Variants in PDE4D observed in about 807,000 individuals in gnomAD.
The protein encoded by PDE4D is 3',5'-cyclic-AMP phosphodiesterase 4D.
PDE4D carries 24 observed loss-of-function variants against 87.4 expected under a neutral mutation model. That is an observed-to-expected ratio of 0.27 (90% confidence interval 0.20 to 0.39). The LOEUF (loss-of-function observed/expected upper bound fraction) is 0.39. Ranked by LOEUF, PDE4D falls within the 10% of genes least tolerant of loss-of-function variation. The pLI, the probability that PDE4D is intolerant of heterozygous loss-of-function variation, is 1.00. For missense variants in PDE4D, 714 were observed against 1,041.0 expected (o/e 0.69, Z 4.32); for synonymous variants, 384 against 383.2 (o/e 1.00, Z -0.02).
At chr5:59,459,903 T>C (rs750866348) in intron 1 of PDE4D, among the ~76,000 whole-genome samples, 17 of 152,160 alleles carry the variant, frequency 1.1e-4, no homozygotes, top group East Asian at 5.8e-4. Context: ...TCAATTCCTC[T>C]AAGGTTCGAG....
chr5:60,300,474 T>C (rs544993535), intron 1 of PDE4D, among the ~76,000 whole-genome samples: 3 of 152,322 alleles, frequency 2.0e-5, no homozygotes, highest in East Asian at 1.9e-4. Context: ...AATCTTTGCC[T>C]GTACCTATGT....
intron 1 of PDE4D, among the ~76,000 whole-genome samples, chr5:59,427,348 C>T (rs978463032): frequency 6.7e-6 from 1 of 149,120 alleles, no homozygotes; most frequent in Non-Finnish European, 1.5e-5. Context: ...CGCCCCTATG[C>T]CAAAATATGT....
chr5:59,958,571 A>G (rs1407305411), intron 3 of PDE4D, among the ~76,000 whole-genome samples: 1 of 152,230 alleles, frequency 6.6e-6, no homozygotes, highest in African/African-American at 2.4e-5. Context: ...TGAATTGATA[A>G]GCAGAATTAT....
At chr5:60,362,876 A>G (rs1013381910) in intron 1 of PDE4D, among the ~76,000 whole-genome samples, 2 of 152,064 alleles carry the variant, frequency 1.3e-5, no homozygotes, top group Non-Finnish European at 1.5e-5. Context: ...AAAAAAAAAA[A>G]AAGAAATATT....
chr5:59,845,861 A>C (rs914347518), intron 1 of PDE4D, among the ~76,000 whole-genome samples: 2 of 152,166 alleles, frequency 1.3e-5, no homozygotes, highest in Admixed American at 1.3e-4. Flanking sequence ...GAAAACACAC[A>C]GTTCTTTTCC....
intron 1 of PDE4D, among the ~76,000 whole-genome samples, chr5:60,456,254 A>G (rs1746459403): frequency 1.3e-5 from 2 of 152,168 alleles, no homozygotes; most frequent in Admixed American, 1.3e-4. Context: ...CAATATCCAC[A>G]TGGCTCTGCA....
intron 1 of PDE4D, among the ~76,000 whole-genome samples, chr5:60,316,164 A>G (rs1013228550): frequency 3.7e-4 from 56 of 152,122 alleles, no homozygotes; most frequent in East Asian, 9.7e-4. Context: ...TTATTTCATT[A>G]AGCAGTGGTT....
intron 1 of PDE4D, among the ~76,000 whole-genome samples, chr5:59,837,826 C>A (rs1222040392): frequency 6.6e-6 from 1 of 152,054 alleles, no homozygotes; most frequent in Admixed American, 6.6e-5. Context: ...TGAAAGTTCA[C>A]CAATATTTTG....
At chr5:59,655,260 T>A (rs1744169965) in intron 1 of PDE4D, among the ~76,000 whole-genome samples, 1 of 152,218 alleles carries the variant, frequency 6.6e-6, no homozygotes, top group South Asian at 2.1e-4. Flanking sequence ...AGTTGTTTAA[T>A]GAATTAACAC....
At chr5:60,382,109 C>A (rs1175434082) in intron 1 of PDE4D, among the ~76,000 whole-genome samples, 1 of 152,078 alleles carries the variant, frequency 6.6e-6, no homozygotes, top group African/African-American at 2.4e-5. Context: ...ATTGAAGCCT[C>A]ATTTTAAGGG....
chr5:59,588,971 T>C (rs1218030826), intron 1 of PDE4D, among the ~76,000 whole-genome samples: 1 of 152,208 alleles, frequency 6.6e-6, no homozygotes, highest in African/African-American at 2.4e-5. Flanking sequence ...ATTAGACATT[T>C]AAATATTATT....
chr5:60,503,831 A>T (rs116182534), intron 1 of PDE4D, among the ~76,000 whole-genome samples: 199 of 152,292 alleles, frequency 1.3e-3, no homozygotes, highest in African/African-American at 4.6e-3. Context: ...CATTTGTTAA[A>T]CACCATCTGC....
At chr5:59,653,243 G>T (rs1455568175) in intron 1 of PDE4D, among the ~76,000 whole-genome samples, 5 of 116,304 alleles carry the variant, frequency 4.3e-5, no homozygotes, top group African/African-American at 1.6e-4. Context: ...GTTTCACTCT[G>T]TTGCCAAGGC....
At chr5:59,733,837 T>C (rs758277463) in intron 1 of PDE4D, among the ~76,000 whole-genome samples, 9 of 152,110 alleles carry the variant, frequency 5.9e-5, no homozygotes, top group Admixed American at 1.3e-4. Context: ...ATACCAATTT[T>C]ATTACTTTTT....
chr5:59,148,772 TG>T (rs1779051042), intron 5 of PDE4D, among the ~76,000 whole-genome samples: 1 of 151,674 alleles, frequency 6.6e-6, no homozygotes, highest in Non-Finnish European at 1.5e-5. Flanking sequence ...TGTGTGTGTG[TG>T]TGTGTGTGTG....
intron 1 of PDE4D, among the ~76,000 whole-genome samples, chr5:60,462,400 C>T (rs1024496886): frequency 1.3e-5 from 2 of 152,084 alleles, no homozygotes; most frequent in African/African-American, 2.4e-5. Context: ...CCTCCAGTTG[C>T]ACAGTGGAGC....
In PDE4D at chr5:60,419,936, CAG is replaced by C. The variant is rs377725539; in HGVS notation, c.-90+68004_-90+68005del. ...GCTGGCATGGCTGGCATCTATAAAG[CAG>C]AGTCTTAGAGAGTAAAGACTTTAAC... On this transcript the variant is annotated intron_variant, in intron 1 of 16. Transcript: ENST00000502484. Among the ~76,000 whole-genome samples the C allele has an allele frequency of 7.8e-3, 1,193 of 152,234 alleles. 16 individuals are homozygous for C. Among genetic ancestry groups the C allele is most frequent in the African/African-American group, 0.027 (1,132 of 41,550 alleles).
chr5:60,055,723 G>T (rs1352405481), intron 2 of PDE4D, among the ~76,000 whole-genome samples: 1 of 152,014 alleles, frequency 6.6e-6, no homozygotes, highest in African/African-American at 2.4e-5. Context: ...TCAATCCAAG[G>T]TCACTCAGTC....
chr5:59,452,596 A>G (rs565379959), intron 1 of PDE4D, among the ~76,000 whole-genome samples: 1 of 152,028 alleles, frequency 6.6e-6, no homozygotes, highest in Admixed American at 6.6e-5. Context: ...AGAGTAAAAC[A>G]CTCTGGCTTC....
Sources: allele counts gnomAD v4.1 joint callset (sites outside exome capture counted in the v4.1 genomes callset), GRCh38; gene constraint gnomAD v4.1.1; transcripts MANE v1.5; gene names NCBI Gene and HGNC (gene_info 2026-07-23, HGNC 2026-07-21).